MAF: variants seen among roughly 807,000 people sequenced by gnomAD.
MAF encodes the protein MAF bZIP transcription factor, also known as transcription factor Maf.
A neutral mutation model predicts 22.0 loss-of-function variants in MAF; 10 were observed. That is an observed-to-expected ratio of 0.45 (90% CI 0.28 to 0.77). The LOEUF (loss-of-function observed/expected upper bound fraction) is 0.77. MAF is among the 30% of genes least tolerant of loss of function. The probability of loss-of-function intolerance (pLI) is 0.12; values close to 1 mark genes in which losing one functional copy is unlikely to be tolerated. For missense variants in MAF, 544 were observed against 548.4 expected, an observed-to-expected ratio of 0.99 and a Z score of 0.08; for synonymous variants, 337 against 255.8, an observed-to-expected ratio of 1.32 and a Z score of -3.03.
the MAF span, among the ~76,000 whole-genome samples, chr16:79,396,665 A>C: frequency 2.0e-5 from 3 of 152,206 alleles, no homozygotes; most frequent in African/African-American, 7.2e-5. Flanking sequence ...GGGGCAGAAG[A>C]ATGCGTAGAG....
the MAF span, among the ~76,000 whole-genome samples, chr16:79,453,221 C>T: frequency 6.6e-6 from 1 of 152,168 alleles, no homozygotes; most frequent in Non-Finnish European, 1.5e-5. Context: ...TCTGAGGTCT[C>T]TACTCTAGCA....
the MAF span, among the ~76,000 whole-genome samples, chr16:79,400,266 G>C: frequency 7.2e-5 from 11 of 152,312 alleles, no homozygotes; most frequent in South Asian, 1.7e-3. Context: ...TCCCTTTGTG[G>C]CTTGGGGTGG....
the MAF span, among the ~76,000 whole-genome samples, chr16:79,498,438 A>G: frequency 3.2e-4 from 49 of 152,352 alleles, no homozygotes; most frequent in East Asian, 8.5e-3. Context: ...CAACAGTTGA[A>G]AAACTCAAAA....
chr16:79,515,847 A>T, the MAF span: 1 of 152,158 alleles, frequency 6.6e-6, no homozygotes, highest in East Asian at 1.9e-4. Context: ...TCACAGAAAC[A>T]TAGGTTGAGA....
the MAF span, among the ~76,000 whole-genome samples, chr16:79,508,736 A>G: frequency 1.3e-5 from 2 of 152,212 alleles, no homozygotes; most frequent in African/African-American, 4.8e-5. Context: ...CCTCAAAAAC[A>G]TTATGGTAAT....
chr16:79,566,427 C>G, the MAF span, among the ~76,000 whole-genome samples: 1 of 152,166 alleles, frequency 6.6e-6, no homozygotes, highest in Admixed American at 6.5e-5. Flanking sequence ...TGTTGATGGC[C>G]CAGTGGATCC....
chr16:79,323,806 CA>C, the MAF span, among the ~76,000 whole-genome samples: 2 of 152,272 alleles, frequency 1.3e-5, no homozygotes, highest in South Asian at 4.1e-4. Flanking sequence ...CCTGCAATCC[CA>C]GGGGAAGGAA....
At chr16:79,522,584 T>C in the MAF span, among the ~76,000 whole-genome samples, 2 of 151,964 alleles carry the variant, frequency 1.3e-5, no homozygotes, top group African/African-American at 4.8e-5. Context: ...TCTTTGGGAG[T>C]TTACACTCAA....
chr16:79,259,916 G>A, the MAF span, among the ~76,000 whole-genome samples: 3 of 152,294 alleles, frequency 2.0e-5, no homozygotes, highest in Non-Finnish European at 4.4e-5. Flanking sequence ...CAAAGGTGAT[G>A]TGGCAAGAGG....
the MAF span, among the ~76,000 whole-genome samples, chr16:79,343,074 G>A: frequency 6.6e-6 from 1 of 152,174 alleles, no homozygotes; most frequent in African/African-American, 2.4e-5. Context: ...TGTGTTGGAG[G>A]CAAGAGAAAG....
At chr16:79,542,744 G>A in the MAF span, among the ~76,000 whole-genome samples, 1 of 152,116 alleles carries the variant, frequency 6.6e-6, no homozygotes. Flanking sequence ...TTCCCCTTTG[G>A]GACTCATACC....
chr16:79,496,055 C>A, the MAF span, among the ~76,000 whole-genome samples: 1 of 152,120 alleles, frequency 6.6e-6, no homozygotes. Flanking sequence ...CAGCCTTGTG[C>A]GAGACCCTGA....
chr16:79,369,434 G>A, the MAF span, among the ~76,000 whole-genome samples: 1 of 152,178 alleles, frequency 6.6e-6, no homozygotes, highest in Non-Finnish European at 1.5e-5. Flanking sequence ...AAACATTACT[G>A]CATCCCAGAA....
At chr16:79,252,821 A>G in the MAF span, among the ~76,000 whole-genome samples, 10 of 152,224 alleles carry the variant, frequency 6.6e-5, no homozygotes, top group African/African-American at 2.4e-4. Flanking sequence ...GTGAGTTACT[A>G]TCTGCACATT....
the MAF span, among the ~76,000 whole-genome samples, chr16:79,280,377 A>G: frequency 4.6e-5 from 7 of 152,248 alleles, no homozygotes; most frequent in African/African-American, 7.2e-5. Context: ...CTAAGAAACT[A>G]TTAAAACATA....
At chr16:79,553,016 T>C in the MAF span, among the ~76,000 whole-genome samples, 2 of 152,182 alleles carry the variant, frequency 1.3e-5, no homozygotes, top group Non-Finnish European at 2.9e-5. Context: ...TATAGGCAAA[T>C]TGGGGTCTAA....
At chr16:79,597,484 T>C in intron 1 of MAF, 5 of 1,024,806 alleles carry the variant, frequency 4.9e-6, no homozygotes, top group Non-Finnish European at 5.9e-6. Context: ...TCATTCTTAT[T>C]AAAAAGAAAA....
the MAF span, among the ~76,000 whole-genome samples, chr16:79,308,814 C>A: frequency 1.3e-5 from 2 of 152,126 alleles, no homozygotes; most frequent in South Asian, 2.1e-4. Flanking sequence ...CCATGTAATT[C>A]CTGACTCTGG....
the MAF span, among the ~76,000 whole-genome samples, chr16:79,360,749 C>T: frequency 3.3e-5 from 5 of 152,072 alleles, no homozygotes; most frequent in Admixed American, 6.5e-5. Flanking sequence ...TTCAGAGAAG[C>T]GGCAAGATCC....
Sources: allele counts gnomAD v4.1 joint callset (sites outside exome capture counted in the v4.1 genomes callset), GRCh38; gene constraint gnomAD v4.1.1; transcripts MANE v1.5; gene names NCBI Gene and HGNC (gene_info 2026-07-23, HGNC 2026-07-21).